The following DDB1 variants were observed in gnomAD, a reference collection of about 807,000 sequenced individuals.
DDB1 encodes damage specific DNA binding protein 1.
Under a neutral mutation model 133.1 loss-of-function variants are expected in DDB1, and 18 were observed. That is an observed-to-expected ratio of 0.14 (90% CI 0.09 to 0.20). The LOEUF (loss-of-function observed/expected upper bound fraction) is 0.20. Among genes scored for constraint, DDB1 ranks in the 10% least tolerant of loss-of-function variants. The pLI is 1.00. For synonymous variants in DDB1, 580 were observed against 550.5 expected, an observed-to-expected ratio of 1.05 and a Z score of -0.75; for missense variants, 828 against 1,459.2, an observed-to-expected ratio of 0.57 and a Z score of 7.05.
intron 18 of DDB1, chr11:61,311,306 CAT>C (rs1565240883): frequency 6.7e-6 from 1 of 148,900 alleles, no homozygotes; most frequent in East Asian, 1.9e-4. Context: ...CATAACATAA[CAT>C]AACATAACAT....
chr11:61,306,995 C>A (rs886907604), intron 21 of DDB1, among the ~76,000 whole-genome samples: 2 of 152,190 alleles, frequency 1.3e-5, no homozygotes, highest in Non-Finnish European at 2.9e-5. Context: ...CCCATCTTCT[C>A]TCTCAGCAAT....
intron 22 of DDB1, 41 bp downstream of exon 22, chr11:61,303,824 C>T (rs1159615617): frequency 6.2e-7 from 1 of 1,605,320 alleles, no homozygotes; most frequent in Non-Finnish European, 8.5e-7. Context: ...GGGGCGGTGG[C>T]TCAAGCAAGA....
chr11:61,310,788 G>A, intron 18 of DDB1: 1 of 168,598 alleles, frequency 5.9e-6, no homozygotes, highest in Non-Finnish European at 1.3e-5. Context: ...TACGGAGGGA[G>A]GTCCTATCGC....
At chr11:61,322,852 G>A in intron 8 of DDB1, 159 bp downstream of exon 8, 2 of 646,632 alleles carry the variant, frequency 3.1e-6, no homozygotes, top group Non-Finnish European at 5.3e-6. Context: ...AAGGCAAAGA[G>A]CTAGTCAGGG....
At chr11:61,307,150 T>C (rs1278488942) in intron 21 of DDB1, among the ~76,000 whole-genome samples, 3 of 152,220 alleles carry the variant, frequency 2.0e-5, no homozygotes, top group African/African-American at 4.8e-5. Context: ...CCCATCAGCA[T>C]AGAAAACATG....
At chr11:61,312,866 T>C (rs1013632788) in intron 16 of DDB1, among the ~76,000 whole-genome samples, 1 of 151,980 alleles carries the variant, frequency 6.6e-6, no homozygotes, top group Non-Finnish European at 1.5e-5. Context: ...CCCAAAGAGC[T>C]AGGATTACAG....
chr11:61,302,084 T>C (rs1023186704), intron 25 of DDB1, 173 bp downstream of exon 25: 8 of 600,724 alleles, frequency 1.3e-5, no homozygotes, highest in Non-Finnish European at 2.1e-5. Flanking sequence ...TACTGTTCTA[T>C]TGTGTATGTT....
chr11:61,313,352 G>A, intron 16 of DDB1, 147 bp downstream of exon 16: 6 of 706,952 alleles, frequency 8.5e-6, no homozygotes, highest in Non-Finnish European at 1.3e-5. Flanking sequence ...TTTCTATTGG[G>A]TAGCCAGTTT....
chr11:61,302,233 A>G (rs1471444041), intron 25 of DDB1, 24 bp downstream of exon 25: 2 of 1,599,580 alleles, frequency 1.3e-6, no homozygotes, highest in Non-Finnish European at 1.7e-6. Flanking sequence ...CTTCCCAGCA[A>G]GGGGATGGCT....
chr11:61,320,658 A>G (rs12286866), intron 10 of DDB1, among the ~76,000 whole-genome samples: 23,687 of 151,770 alleles, frequency 0.16, 5,492 homozygotes, highest in African/African-American at 0.51. Flanking sequence ...CCAAGTGGCT[A>G]GGACTACAGT....
rs1565039134 is a variant in DDB1, at chr11:61,329,362, C to T, written c.549+1G>A. On this transcript the variant is annotated splice_donor_variant, in intron 4 of 26. Coordinates refer to ENST00000301764, the MANE Select transcript of DDB1 (RefSeq NM_001923.5). LOFTEE classifies it high-confidence loss of function. ...CTCGCTCTCTCTTCCTGATCCAGTA[C>T]CTGGTAGACAAAGCAAATAGTAGGT... 6.2e-7 allele frequency: 1 copy of T among 1,613,890 alleles called. No homozygotes were observed. The highest frequency in any genetic ancestry group is 8.5e-7 in the Non-Finnish European group (1 of 1,179,818).
Position 61,300,134 on chromosome 11 carries a change from G to A in DDB1, c.*2C>T. ...GTCAGCAAAGGGGCCCCCTGCCCTTGGCTAATGGATCCGAGTTAGCTCCTC... is the reference window on the plus strand; with the variant it reads ...GTCAGCAAAGGGGCCCCCTGCCCTTAGCTAATGGATCCGAGTTAGCTCCTC... On this transcript the variant is annotated 3_prime_UTR_variant, in exon 27 of 27. Transcript: ENST00000301764. 1 of 1,614,058 alleles carries A rather than the reference G, an allele frequency of 6.2e-7. No homozygotes were observed. Among genetic ancestry groups the A allele is most frequent in the Non-Finnish European group, 8.5e-7 (1 of 1,180,004 alleles).
At chr11:61,329,623 T>A (rs1249150603) in intron 3 of DDB1, 39 bp from the exon 4 acceptor site, 24 of 1,558,694 alleles carry the variant, frequency 1.5e-5, no homozygotes, top group Non-Finnish European at 2.1e-5. Flanking sequence ...AACCTCAACA[T>A]CCACAGAGCA....
At chr11:61,307,656 T>G (rs1227547988) in intron 21 of DDB1, among the ~76,000 whole-genome samples, 2 of 152,190 alleles carry the variant, frequency 1.3e-5, no homozygotes, top group Non-Finnish European at 2.9e-5. Context: ...TGCTAGTATC[T>G]CCAGTGTACC....
chr11:61,313,930 C>T lies in DDB1; in HGVS notation c.1793G>A (p.Ser598Asn). The change falls in exon 15 of 27, where the codon AGT becomes AAT. Residue 598 changes from serine (S) to asparagine (N), a missense_variant. By Grantham distance (46) the Ser-to-Asn change is conservative. Transcript: ENST00000301764. ...PRSILMTTFE[S>N]SHYLLCALGD... ...CAAGGCACAAAGGAGGTAATGGCTA[C>T]TCTCAAAGGTGGTCATCAGGATGGA... 1 of 1,614,130 alleles carries T rather than the reference C, an allele frequency of 6.2e-7. No homozygotes were observed. The highest frequency in any genetic ancestry group is 8.5e-7 in the Non-Finnish European group (1 of 1,180,034).
At chr11:61,322,446 G>C (rs1028880847) in intron 8 of DDB1, 34 bp from the exon 9 acceptor site, 2 of 1,546,750 alleles carry the variant, frequency 1.3e-6, no homozygotes, top group South Asian at 2.2e-5. Context: ...GTTAGTCCTA[G>C]AACACCCTAA....
Position 61,332,993 on chromosome 11 carries a change from G to A in DDB1, c.-25C>T. 6.7e-7 allele frequency: 1 copy of A among 1,487,084 alleles called. No homozygotes were observed. Among genetic ancestry groups the A allele is most frequent in the Non-Finnish European group, 9.0e-7 (1 of 1,109,956 alleles). The allele number at this position is 1,487,084 out of a possible 1,614,324, so 92.1% of individuals were successfully genotyped here. A position where few individuals can be genotyped will look rare whatever the true frequency, so the allele number is the denominator to read the frequency against. On this transcript the variant is annotated 5_prime_UTR_variant, in exon 1 of 27. Transcript: ENST00000301764. ...TGTCGAGGCTTGGAGCGGCCCGTCG[G>A]GACTCGAGCGCGACACTAGAAAGAG...
chr11:61,322,508 A>G (rs1565036567), intron 8 of DDB1, 96 bp from the exon 9 acceptor site: 4 of 904,292 alleles, frequency 4.4e-6, no homozygotes, highest in African/African-American at 3.3e-5. Flanking sequence ...CTCAATAACT[A>G]GTTTCTAGAT....
At position 61,320,479 on chromosome 11, in the gene DDB1, G is replaced by T. The variant is rs528667412; in HGVS notation, c.1225+1116C>A. ...GCCTCCCAAAGTGCTGGGATTACAG[G>T]TGTCAGGCAACATGCCTGGCCATAC... On this transcript the variant is annotated intron_variant, in intron 10 of 26. Transcript: ENST00000301764. Among the ~76,000 whole-genome samples, 6 of 152,222 alleles carry T rather than the reference G, an allele frequency of 3.9e-5. No homozygotes were observed. In the East Asian group the frequency reaches 1.2e-3, roughly 29 times the overall value.
Sources: gnomAD v4.1 joint callset for allele counts (sites outside exome capture counted in the v4.1 genomes callset) on GRCh38, gnomAD v4.1.1 for gene constraint, MANE v1.5 for transcripts, NCBI Gene and HGNC (gene_info 2026-07-23, HGNC 2026-07-21) for gene names.